Variants in DSCAML1 observed in about 807,000 individuals in gnomAD.
The protein encoded by DSCAML1 is cell adhesion molecule DSCAML1.
In DSCAML1, 38 loss-of-function variants were observed where a neutral mutation model predicts 200.5. The observed-to-expected ratio is 0.19, with a 90% CI of 0.15 to 0.25. The LOEUF (loss-of-function observed/expected upper bound fraction) is 0.25, where lower values mean the gene tolerates loss of function less well. DSCAML1 is among the 10% of genes least tolerant of loss of function. The pLI, the probability that DSCAML1 is intolerant of heterozygous loss-of-function variation, is 1.00. For missense variants in DSCAML1, 2,223 were observed against 2,858.8 expected, an observed-to-expected ratio of 0.78 and a Z score of 5.07; for synonymous variants, 1,215 against 1,165.0, an observed-to-expected ratio of 1.04 and a Z score of -0.87.
intron 3 of DSCAML1, among the ~76,000 whole-genome samples, chr11:117,708,463 T>G (rs1006209603): frequency 1.3e-5 from 2 of 152,252 alleles, no homozygotes; most frequent in Non-Finnish European, 2.9e-5. Flanking sequence ...TTTCTTAACC[T>G]AAGCCTCAAT....
At chr11:117,554,436 G>A (rs755479450) in intron 3 of DSCAML1, among the ~76,000 whole-genome samples, 19 of 152,032 alleles carry the variant, frequency 1.2e-4, no homozygotes, top group Admixed American at 3.9e-4. Flanking sequence ...GCTGGAGTGC[G>A]GTGGTGCGAT....
In DSCAML1 at chr11:117,505,274, T is replaced by C. The variant is rs763858132; in HGVS notation, c.2062+180A>G. Among the ~76,000 whole-genome samples the C allele has an allele frequency of 6.6e-6, 1 of 152,164 alleles. No individual in the cohort carries two copies. The highest frequency in any genetic ancestry group is 1.9e-4 in the East Asian group (1 of 5,188). On this transcript the variant is annotated intron_variant, in intron 9 of 32. Transcript: ENST00000651296. This position sits in a 1 kb window ranked among gnomAD's most constrained non-coding sequence, Gnocchi z 6.7. ...CACTGACTAACTGAGCAAGTGTCTC[T>C]CTGCTCAGGGCTTCGGTTTCCTGCC...
intron 3 of DSCAML1, among the ~76,000 whole-genome samples, chr11:117,579,464 A>C (rs372377159): frequency 6.6e-6 from 1 of 152,208 alleles, no homozygotes; most frequent in African/African-American, 2.4e-5. Context: ...CCTTCTGCTT[A>C]GAAGCTCTTC....
intron 3 of DSCAML1, among the ~76,000 whole-genome samples, chr11:117,742,562 G>C (rs915494759): frequency 2.0e-5 from 3 of 152,194 alleles, no homozygotes; most frequent in Non-Finnish European, 2.9e-5. Context: ...GGGCGGTGAG[G>C]AGCATGCCCA....
chr11:117,593,496 C>T (rs1404514885), intron 3 of DSCAML1, among the ~76,000 whole-genome samples: 1 of 152,206 alleles, frequency 6.6e-6, no homozygotes, highest in African/African-American at 2.4e-5. Flanking sequence ...TGACAGGCTG[C>T]CTGTCTGCCA....
chr11:117,598,716 A>G (rs7123736), intron 3 of DSCAML1, among the ~76,000 whole-genome samples: 8,977 of 152,212 alleles, frequency 0.059, 883 homozygotes, highest in African/African-American at 0.2. Context: ...GAGGGGAAAA[A>G]GGGAGCAGGG....
chr11:117,686,728 A>G (rs904010129), intron 3 of DSCAML1, among the ~76,000 whole-genome samples: 1 of 152,160 alleles, frequency 6.6e-6, no homozygotes, highest in Non-Finnish European at 1.5e-5. Flanking sequence ...AGCGGGAGAA[A>G]GAGGCAGAGG....
intron 3 of DSCAML1, among the ~76,000 whole-genome samples, chr11:117,765,575 C>T (rs1016272629): frequency 2.6e-5 from 4 of 152,232 alleles, no homozygotes; most frequent in Admixed American, 1.3e-4. Flanking sequence ...ACAGCAAAGA[C>T]TACTAATGCT....
intron 1 of DSCAML1, among the ~76,000 whole-genome samples, chr11:117,816,360 C>T (rs1314641133): frequency 6.6e-6 from 1 of 152,258 alleles, no homozygotes; most frequent in East Asian, 1.9e-4. Flanking sequence ...CAGTGACTCG[C>T]TCTGACAACA....
rs761046116 is a variant in DSCAML1 at position 117,432,493 on chromosome 11, C to T, written c.5038G>A (p.Ala1680Thr). The T allele has an allele frequency of 1.9e-5, 30 of 1,613,774 alleles. No individual in the cohort carries two copies. Among genetic ancestry groups the T allele is most frequent in the Non-Finnish European group, 2.4e-5 (28 of 1,179,962 alleles). The change falls in exon 30 of 33, where the codon GCC becomes ACC. Residue 1680 changes from alanine to threonine, a missense_variant. This residue lies in a region of DSCAML1 where 614 missense variants were observed against 739.1 expected (regional missense o/e 0.83). Coordinates refer to ENST00000651296, the MANE Select transcript of DSCAML1 (RefSeq NM_020693.4). ...EGIKQLGDDK[A>T]TIPVTDAEFS... is the part of the protein sequence containing the mutation. ...TCAGCATCTGTCACAGGGATGGTGG[C>T]CTTGTCATCTCCTGGGGAAAGAAGG...
intron 3 of DSCAML1, among the ~76,000 whole-genome samples, chr11:117,581,961 T>C (rs1228700351): frequency 4.6e-5 from 7 of 152,126 alleles, no homozygotes; most frequent in Non-Finnish European, 1.0e-4. Flanking sequence ...TAAAGACCCA[T>C]ACCAGATCCC....
chr11:117,763,982 A>G (rs1465037074), intron 3 of DSCAML1, among the ~76,000 whole-genome samples: 1 of 152,138 alleles, frequency 6.6e-6, no homozygotes, highest in Admixed American at 6.5e-5. Flanking sequence ...CAGTCCCCCA[A>G]GAACTTGATT....
intron 14 of DSCAML1, among the ~76,000 whole-genome samples, chr11:117,479,669 G>C (rs1408999675): frequency 6.6e-6 from 1 of 151,738 alleles, no homozygotes; most frequent in Non-Finnish European, 1.5e-5. Context: ...TTTTTTTTGA[G>C]ACAGAGTCTC....
chr11:117,678,030 C>A (rs893089796), intron 3 of DSCAML1, among the ~76,000 whole-genome samples: 2 of 152,208 alleles, frequency 1.3e-5, no homozygotes, highest in African/African-American at 4.8e-5. Flanking sequence ...AAGGTCATTG[C>A]CTGCATGGGG....
At chr11:117,429,022 A>G (rs1391764899) in intron 32 of DSCAML1, among the ~76,000 whole-genome samples, 1 of 152,182 alleles carries the variant, frequency 6.6e-6, no homozygotes, top group Non-Finnish European at 1.5e-5. Flanking sequence ...ACTTCCCCAC[A>G]GGATTATTGT....
chr11:117,643,354 G>A (rs1370326178), intron 3 of DSCAML1, among the ~76,000 whole-genome samples: 1 of 152,046 alleles, frequency 6.6e-6, no homozygotes, highest in Non-Finnish European at 1.5e-5. Flanking sequence ...TGTGTATGTG[G>A]GGAGGACGTA....
intron 1 of DSCAML1, among the ~76,000 whole-genome samples, chr11:117,803,081 G>A (rs2055675934): frequency 6.6e-6 from 1 of 151,882 alleles, no homozygotes; most frequent in African/African-American, 2.4e-5. Context: ...ATCTGACTCT[G>A]GCTTGGGATT....
intron 3 of DSCAML1, among the ~76,000 whole-genome samples, chr11:117,687,910 G>A (rs2053432657): frequency 6.6e-6 from 1 of 152,148 alleles, no homozygotes; most frequent in Non-Finnish European, 1.5e-5. Flanking sequence ...TGTCCTCATG[G>A]CCAGATGGGC....
At chr11:117,639,792 C>T (rs1252108422) in intron 3 of DSCAML1, among the ~76,000 whole-genome samples, 1 of 152,100 alleles carries the variant, frequency 6.6e-6, no homozygotes, top group Non-Finnish European at 1.5e-5. Flanking sequence ...TGCAGAGGCC[C>T]CGGGAACTCT....
Sources: allele counts gnomAD v4.1 joint callset (sites outside exome capture counted in the v4.1 genomes callset), GRCh38; gene constraint gnomAD v4.1.1; regional missense constraint gnomAD v4.1.1; non-coding constraint Gnocchi (gnomAD v3.1); transcripts MANE v1.5; gene names NCBI Gene and HGNC (gene_info 2026-07-23, HGNC 2026-07-21).